Variants in NPAS3 observed in about 807,000 individuals in gnomAD.
NPAS3 encodes neuronal PAS domain-containing protein 3.
Under a neutral mutation model 73.1 loss-of-function variants are expected in NPAS3, and 14 were observed. The observed-to-expected ratio is 0.19, with a 90% CI of 0.13 to 0.30. The LOEUF (loss-of-function observed/expected upper bound fraction) is 0.30, where lower values mean the gene tolerates loss of function less well. Ranked by LOEUF, NPAS3 falls within the 10% of genes least tolerant of loss-of-function variation. The probability of loss-of-function intolerance (pLI) is 1.00; values close to 1 mark genes in which losing one functional copy is unlikely to be tolerated. For synonymous variants in NPAS3, 620 were observed against 541.5 expected, an observed-to-expected ratio of 1.14 and a Z score of -2.01; for missense variants, 1,096 against 1,250.0, an observed-to-expected ratio of 0.88 and a Z score of 1.86.
chr14:32,967,176 G>A (rs1031427429), intron 1 of NPAS3, among the ~76,000 whole-genome samples: 3 of 152,008 alleles, frequency 2.0e-5, no homozygotes, highest in African/African-American at 7.2e-5. Flanking sequence ...CCTACTCAAT[G>A]AAAAGATGAT....
intron 4 of NPAS3, among the ~76,000 whole-genome samples, chr14:33,528,895 G>A (rs1227172628): frequency 1.3e-5 from 2 of 152,000 alleles, no homozygotes; most frequent in Non-Finnish European, 2.9e-5. Flanking sequence ...CCTTGTGAAG[G>A]GTCCCAAAGA....
At chr14:33,667,377 C>T (rs2059481990) in intron 5 of NPAS3, among the ~76,000 whole-genome samples, 1 of 152,236 alleles carries the variant, frequency 6.6e-6, no homozygotes, top group Non-Finnish European at 1.5e-5. Flanking sequence ...AGACATAGAA[C>T]CTATCAGGTT....
chr14:33,328,167 T>C (rs1242411845), intron 3 of NPAS3, among the ~76,000 whole-genome samples: 1 of 152,106 alleles, frequency 6.6e-6, no homozygotes, highest in African/African-American at 2.4e-5. Context: ...TGTTGAGATA[T>C]CATTTTATGT....
intron 2 of NPAS3, among the ~76,000 whole-genome samples, chr14:33,128,878 A>G (rs760087954): frequency 3.9e-5 from 6 of 152,168 alleles, no homozygotes; most frequent in Admixed American, 6.6e-5. Flanking sequence ...CGTATCAGAA[A>G]TGGCTTCATG....
intron 3 of NPAS3, among the ~76,000 whole-genome samples, chr14:33,352,472 C>T (rs2045114616): frequency 6.6e-6 from 1 of 152,164 alleles, no homozygotes; most frequent in Non-Finnish European, 1.5e-5. Context: ...CACATTTAAC[C>T]CTTGCCACAA....
chr14:33,351,622 ATAC>A (rs1159239948), intron 3 of NPAS3, among the ~76,000 whole-genome samples: 1 of 152,250 alleles, frequency 6.6e-6, no homozygotes, highest in African/African-American at 2.4e-5. Flanking sequence ...CAACCATGCC[ATAC>A]CGCTTCTTTT....
At chr14:33,666,974 C>G (rs1359730704) in intron 5 of NPAS3, among the ~76,000 whole-genome samples, 5 of 152,122 alleles carry the variant, frequency 3.3e-5, no homozygotes, top group South Asian at 2.1e-4. Flanking sequence ...ACATTGCAAA[C>G]CCACATGAGT....
At position 33,172,739 on chromosome 14, in the gene NPAS3, TAA is replaced by T. The variant is rs60648371; in HGVS notation, c.141-42430_141-42429del. 3.6e-4 allele frequency among the ~76,000 whole-genome samples: 53 copies of T among 145,830 alleles called. No individual in the cohort carries two copies. The East Asian group carries it at 3.8e-3, about 10-fold the overall frequency. On this transcript the variant is annotated intron_variant, in intron 2 of 11. Coordinates refer to ENST00000356141, the Ensembl canonical transcript of NPAS3. Reference sequence around the variant, plus strand: ...CCTGGGTGACAGCCAGACCCAGCCTTAAAAAAAAAAAAAATTAAAAATTGCAT... The same window carrying T: ...CCTGGGTGACAGCCAGACCCAGCCTTAAAAAAAAAAAATTAAAAATTGCAT...
intron 2 of NPAS3, among the ~76,000 whole-genome samples, chr14:33,177,085 T>TATTATTATTATC (rs2045618332): frequency 7.0e-6 from 1 of 141,956 alleles, no homozygotes; most frequent in Non-Finnish European, 1.5e-5. Context: ...TTATTATTAT[T>TATTATTATTATC]ATTATTATTA....
chr14:33,385,024 A>G (rs948984687), intron 4 of NPAS3, among the ~76,000 whole-genome samples: 5 of 152,192 alleles, frequency 3.3e-5, no homozygotes, highest in African/African-American at 1.2e-4. Context: ...GCAGGTGAGC[A>G]GGAGGACACG....
At chr14:32,975,088 A>C (rs1393325137) in intron 1 of NPAS3, among the ~76,000 whole-genome samples, 1 of 152,174 alleles carries the variant, frequency 6.6e-6, no homozygotes, top group East Asian at 1.9e-4. Flanking sequence ...TGAAAGTGTG[A>C]CATAAAAGTC....
chr14:33,153,409 C>T (rs1404805918), intron 2 of NPAS3, among the ~76,000 whole-genome samples: 1 of 152,036 alleles, frequency 6.6e-6, no homozygotes, highest in Non-Finnish European at 1.5e-5. Context: ...TAAATTTGTC[C>T]TCTTGGGCTG....
At chr14:32,945,996 A>G (rs529748417) in intron 1 of NPAS3, among the ~76,000 whole-genome samples, 18 of 152,268 alleles carry the variant, frequency 1.2e-4, no homozygotes, top group South Asian at 2.1e-4. Flanking sequence ...AAGTTTCTCT[A>G]AAGATTATAG....
chr14:33,199,057 C>A (rs1254242237), intron 2 of NPAS3, among the ~76,000 whole-genome samples: 2 of 152,202 alleles, frequency 1.3e-5, no homozygotes, highest in East Asian at 3.9e-4. Flanking sequence ...CGAGCCCACG[C>A]CCACCTGGAA....
chr14:33,113,038 G>A (rs2042947851), intron 2 of NPAS3, among the ~76,000 whole-genome samples: 1 of 152,112 alleles, frequency 6.6e-6, no homozygotes, highest in Admixed American at 6.5e-5. Context: ...CTCTGTTTTG[G>A]TACCAGTACC....
intron 2 of NPAS3, among the ~76,000 whole-genome samples, chr14:33,162,430 C>T (rs569959575): frequency 1.1e-4 from 16 of 152,220 alleles, no homozygotes; most frequent in Admixed American, 3.3e-4. Context: ...TACATAGCCT[C>T]AGGTCACTAT....
intron 1 of NPAS3, among the ~76,000 whole-genome samples, chr14:32,952,035 CATGTATAT>C (rs2139148693): frequency 6.6e-6 from 1 of 151,962 alleles, no homozygotes; most frequent in South Asian, 2.1e-4. Context: ...ATAGGTATTG[CATGTATAT>C]TTTTGTAAGA....
intron 5 of NPAS3, among the ~76,000 whole-genome samples, chr14:33,659,440 A>T (rs992711860): frequency 1.3e-5 from 2 of 152,238 alleles, no homozygotes; most frequent in African/African-American, 4.8e-5. Context: ...ACAATTAGCC[A>T]TGAAACTGGA....
At chr14:33,367,908 C>T (rs1481745903) in intron 4 of NPAS3, among the ~76,000 whole-genome samples, 1 of 152,114 alleles carries the variant, frequency 6.6e-6, no homozygotes, top group Admixed American at 6.5e-5. Flanking sequence ...GCAAACTCGT[C>T]ATCTCACTTA....
Sources: allele counts gnomAD v4.1 joint callset (sites outside exome capture counted in the v4.1 genomes callset), GRCh38; gene constraint gnomAD v4.1.1; transcripts MANE v1.5; gene names NCBI Gene and HGNC (gene_info 2026-07-23, HGNC 2026-07-21).